Variants in TMEM74 observed in about 807,000 individuals in gnomAD.
TMEM74 encodes transmembrane protein 74.
In TMEM74, 13 loss-of-function variants were observed where a neutral mutation model predicts 18.1. That is an observed-to-expected ratio of 0.72 (90% CI 0.47 to 1.14). TMEM74 has a LOEUF of 1.14. Ranked by LOEUF, TMEM74 falls within the 50% of genes most tolerant of loss-of-function variation. TMEM74 has a pLI of 0.00. For missense variants in TMEM74, 372 were observed against 375.9 expected, an observed-to-expected ratio of 0.99 and a Z score of 0.09; for synonymous variants, 159 against 146.6, an observed-to-expected ratio of 1.08 and a Z score of -0.61.
chr8:108,784,439 C>CT lies in TMEM74; in HGVS notation c.659dup (p.Ser221GlufsTer68), dbSNP rs1814350251. ...CCAGGTGAGCCCCCAGCCTCGCACT[C>CT]TCCTTCTCCAGGCGCTCCATCTCCC... On this transcript the variant is annotated frameshift_variant, in exon 2 of 2. Transcript: ENST00000297459. LOFTEE classifies it high-confidence loss of function. 6.2e-7 allele frequency: 1 copy of CT among 1,614,094 alleles called. No homozygotes were observed. Among genetic ancestry groups the CT allele is most frequent in the African/African-American group, 1.3e-5 (1 of 74,926 alleles).
At chr8:108,661,216 A>G (rs74961021) in intron 1 of TMEM74, among the ~76,000 whole-genome samples, 6,934 of 152,080 alleles carry the variant, frequency 0.046, 326 homozygotes, top group African/African-American at 0.12. Context: ...GTTGGCCAAA[A>G]TTATGGCATC....
downstream of TMEM74, among the ~76,000 whole-genome samples, chr8:108,775,037 T>C (rs73311996): frequency 0.019 from 2,877 of 152,280 alleles, 61 homozygotes; most frequent in African/African-American, 0.045. Context: ...GATGTTGTGA[T>C]CTGGCAAACT....
In TMEM74 at chr8:108,618,652, G is replaced by A. The variant is rs111451343; in HGVS notation, n.265-9826C>T. ...CACTGTGCAGTCTGTAGGGACTGAC[G>A]CACTGAAAACACTACATATTAGTTG... On this transcript the variant is annotated intron_variant and non_coding_transcript_variant, in intron 2 of 3. Transcript: ENST00000518838. Among the ~76,000 whole-genome samples the A allele has an allele frequency of 5.6e-4, 85 of 152,200 alleles. 1 individual carries two copies. The highest frequency in any genetic ancestry group is 2.0e-3 in the African/African-American group (84 of 41,544).
chr8:108,759,845 C>A (rs1814020691), intron 1 of TMEM74, among the ~76,000 whole-genome samples: 1 of 152,020 alleles, frequency 6.6e-6, no homozygotes, highest in African/African-American at 2.4e-5. Context: ...TGGGTTAAAC[C>A]ACTATATATT....
At position 108,784,466 on chromosome 8, in the gene TMEM74, G is replaced by A. The variant is rs754336706; in HGVS notation, c.633C>T (p.Ala211=). ...CCTTCTCCAGGCGCTCCATCTCCCGGGCTGCCACAGTGTTGGGGTCCACAG... is the reference window on the plus strand; with the variant it reads ...CCTTCTCCAGGCGCTCCATCTCCCGAGCTGCCACAGTGTTGGGGTCCACAG... ...EVTVDPNTVA[A]REMERLEKES... The change falls in exon 2 of 2, where the codon GCC becomes GCT. Residue 211 remains alanine (A), a synonymous_variant. Transcript: ENST00000297459. The A allele has an allele frequency of 1.9e-6, 3 of 1,614,138 alleles. No individual in the cohort carries two copies. The highest frequency in any genetic ancestry group is 2.5e-6 in the Non-Finnish European group (3 of 1,180,036).
intron 2 of TMEM74, among the ~76,000 whole-genome samples, chr8:108,648,712 A>G (rs1812744804): frequency 6.6e-6 from 1 of 152,104 alleles, no homozygotes; most frequent in Non-Finnish European, 1.5e-5. Context: ...TAAAGAATGT[A>G]AGTGGCCTCT....
chr8:108,774,836 T>C (rs6999940), downstream of TMEM74, among the ~76,000 whole-genome samples: 61,936 of 148,844 alleles, frequency 0.42, 13,813 homozygotes, highest in African/African-American at 0.57. Context: ...TGGCCTTAAG[T>C]GATCCTCCTG....
chr8:108,634,584 A>G (rs1386780893), intron 2 of TMEM74, among the ~76,000 whole-genome samples: 2 of 151,926 alleles, frequency 1.3e-5, no homozygotes, highest in Non-Finnish European at 2.9e-5. Context: ...TTGTTCATGG[A>G]TGGGCTCTCC....
At chr8:108,716,841 T>C (rs1008144595) in intron 1 of TMEM74, among the ~76,000 whole-genome samples, 2 of 151,222 alleles carry the variant, frequency 1.3e-5, no homozygotes, top group African/African-American at 4.8e-5. Flanking sequence ...AACATAAAAG[T>C]TTATAAAATT....
At chr8:108,777,348 A>G (rs1329382190), downstream of TMEM74, among the ~76,000 whole-genome samples, 1 of 152,172 alleles carries the variant, frequency 6.6e-6, no homozygotes, top group Non-Finnish European at 1.5e-5. Flanking sequence ...CATAAACTCT[A>G]TGTTCACTGT....
chr8:108,669,189 T>C (rs1400051890), intron 1 of TMEM74, among the ~76,000 whole-genome samples: 1 of 152,122 alleles, frequency 6.6e-6, no homozygotes, highest in Non-Finnish European at 1.5e-5. Flanking sequence ...TATGTTTCAG[T>C]TTATCAAATA....
chr8:108,718,470 C>A (rs1054522254), intron 1 of TMEM74, among the ~76,000 whole-genome samples: 6 of 152,196 alleles, frequency 3.9e-5, no homozygotes, highest in Non-Finnish European at 8.8e-5. Flanking sequence ...CTGTTCACAA[C>A]AGCAGAAAGC....
At chr8:108,658,782 C>T (rs1443458070) in intron 1 of TMEM74, among the ~76,000 whole-genome samples, 1 of 152,026 alleles carries the variant, frequency 6.6e-6, no homozygotes. Flanking sequence ...TGATTACTAC[C>T]TAATAACTTG....
intron 1 of TMEM74, among the ~76,000 whole-genome samples, chr8:108,762,316 C>A (rs1814053864): frequency 6.6e-6 from 1 of 151,770 alleles, no homozygotes; most frequent in African/African-American, 2.4e-5. Flanking sequence ...AGAAAATACT[C>A]TGAATTATTT....
intron 2 of TMEM74, among the ~76,000 whole-genome samples, chr8:108,636,668 T>G (rs147772267): frequency 6.6e-6 from 1 of 152,034 alleles, no homozygotes; most frequent in African/African-American, 2.4e-5. Context: ...AGGGGTCTGA[T>G]TCCCCATCAA....
exon 4 of TMEM74, chr8:108,607,622 C>T (rs963718131): frequency 6.6e-6 from 1 of 152,110 alleles, no homozygotes; most frequent in Non-Finnish European, 1.5e-5. Flanking sequence ...ATGACACCAC[C>T]CACCATGGTA....
At position 108,783,713 on chromosome 8, in the gene TMEM74, G is replaced by T; in HGVS notation, c.*468C>A. ...TAGTGTTTAGCCAAATTACAAGAAG[G>T]ATAATTTAGCAAGAAAATGGATAAG... On this transcript the variant is annotated 3_prime_UTR_variant, in exon 2 of 2. Transcript: ENST00000297459. 1 of 152,210 alleles carries T rather than the reference G, an allele frequency of 6.6e-6. No homozygotes were observed. Among genetic ancestry groups the T allele is most frequent in the East Asian group, 1.9e-4 (1 of 5,202 alleles). 9.4% of individuals were successfully genotyped at this position (152,210 alleles called of 1,614,324 possible).
rs186519719 is a variant in TMEM74 at position 108,754,828 on chromosome 8, G to A, written n.119+32648C>T. 4.5e-3 allele frequency among the ~76,000 whole-genome samples: 686 copies of A among 152,002 alleles called. 3 individuals are homozygous for A. Among genetic ancestry groups the A allele is most frequent in the Admixed American group, 7.5e-3 (114 of 15,236 alleles). On this transcript the variant is annotated intron_variant and non_coding_transcript_variant, in intron 1 of 3. Transcript: ENST00000518838. ...CCAAGTCCAAGGGCCTAAACCAGGT[G>A]AGCTGACAGTGTAAGCCTCAGTCTG...
intron 1 of TMEM74, among the ~76,000 whole-genome samples, chr8:108,756,428 A>T (rs1429681074): frequency 6.6e-6 from 1 of 151,218 alleles, no homozygotes; most frequent in Non-Finnish European, 1.5e-5. Context: ...TATAGTTAAC[A>T]CCACTGTCTC....
Sources: allele counts gnomAD v4.1 joint callset (sites outside exome capture counted in the v4.1 genomes callset), GRCh38; gene constraint gnomAD v4.1.1; transcripts MANE v1.5; gene names NCBI Gene and HGNC (gene_info 2026-07-23, HGNC 2026-07-21).